SMYD3: variants seen among roughly 807,000 people sequenced by gnomAD.
The protein encoded by SMYD3 is SET and MYND domain containing 3.
In SMYD3, 36 loss-of-function variants were observed where a neutral mutation model predicts 57.7. The observed-to-expected ratio is 0.62, with a 90% confidence interval of 0.48 to 0.82. SMYD3 has a LOEUF of 0.82. Ranked by LOEUF, SMYD3 falls within the 40% of genes least tolerant of loss-of-function variation. The probability of loss-of-function intolerance (pLI) is 0.00; values close to 1 mark genes in which losing one functional copy is unlikely to be tolerated. For missense variants in SMYD3, 515 were observed against 538.8 expected (o/e 0.96, Z 0.44); for synonymous variants, 211 against 195.0 (o/e 1.08, Z -0.68).
chr1:246,206,342 G>GT (rs2062999727), intron 5 of SMYD3, among the ~76,000 whole-genome samples: 1 of 152,142 alleles, frequency 6.6e-6, no homozygotes, highest in Non-Finnish European at 1.5e-5. Flanking sequence ...TGAAAAGAAT[G>GT]TAAGAGGAGT....
chr1:246,164,331 A>T (rs2148211625), intron 5 of SMYD3, among the ~76,000 whole-genome samples: 1 of 152,282 alleles, frequency 6.6e-6, no homozygotes, highest in East Asian at 1.9e-4. Context: ...GAGGCAGGAG[A>T]ATCACTTGAA....
intron 10 of SMYD3, among the ~76,000 whole-genome samples, chr1:245,786,045 G>T (rs2047024362): frequency 6.8e-6 from 1 of 146,286 alleles, no homozygotes; most frequent in Admixed American, 6.9e-5. Context: ...CTATACCACG[G>T]TTACATTTAT....
intron 7 of SMYD3, among the ~76,000 whole-genome samples, chr1:245,923,828 T>C (rs1031009501): frequency 2.4e-4 from 36 of 152,362 alleles, no homozygotes; most frequent in African/African-American, 8.4e-4. Context: ...CCTTGAACTC[T>C]TGAAGTCAGG....
At chr1:245,971,452 A>C (rs1024704741) in intron 5 of SMYD3, among the ~76,000 whole-genome samples, 4 of 152,230 alleles carry the variant, frequency 2.6e-5, no homozygotes, top group Non-Finnish European at 4.4e-5. Context: ...TAATTAAAAA[A>C]AAAAATCAAT....
chr1:246,344,287 T>G (rs2065677171), intron 2 of SMYD3, among the ~76,000 whole-genome samples: 1 of 152,194 alleles, frequency 6.6e-6, no homozygotes, highest in Non-Finnish European at 1.5e-5. Flanking sequence ...ATTCAAGTCC[T>G]CCATCCCAGG....
chr1:245,764,136 C>T lies in SMYD3; in HGVS notation c.1090G>A (p.Gly364Arg), dbSNP rs1278236222. The T allele has an allele frequency of 6.2e-7, 1 of 1,613,536 alleles. No homozygotes were observed. Among genetic ancestry groups the T allele is most frequent in the Non-Finnish European group, 8.5e-7 (1 of 1,179,780 alleles). The change falls in exon 11 of 12, where the codon GGA (glycine) becomes AGA (arginine). Residue 364 changes from glycine to arginine, a missense_variant. Gly to Arg is a moderately radical substitution (Grantham distance 125, BLOSUM62 -2). Transcript: ENST00000490107. The stretch of plus-strand genomic sequence containing the variant: ...TGAACCCCTCTGACGGGATGGCTTC[C>T]TGGGAAAAAAATCCTGGAAGAAACC... ...TMEPYRIFFP[G>R]SHPVRGVQVM... is the part of the protein sequence containing the mutation.
At chr1:246,436,517 T>C (rs181230286) in intron 1 of SMYD3, among the ~76,000 whole-genome samples, 3 of 152,292 alleles carry the variant, frequency 2.0e-5, no homozygotes, top group Admixed American at 1.3e-4. Flanking sequence ...CAGTAATACA[T>C]AGAAAGTATC....
At chr1:246,363,414 G>A (rs2066040866) in intron 1 of SMYD3, among the ~76,000 whole-genome samples, 1 of 152,234 alleles carries the variant, frequency 6.6e-6, no homozygotes, top group African/African-American at 2.4e-5. Context: ...CCCCGTCTGG[G>A]AGGTGTACCC....
chr1:245,902,215 C>T (rs1025997892), intron 8 of SMYD3, among the ~76,000 whole-genome samples: 10 of 152,168 alleles, frequency 6.6e-5, no homozygotes, highest in African/African-American at 2.4e-4. Context: ...GTGTCCTATA[C>T]CCTGGGGACC....
At chr1:246,409,436 C>G (rs1395511938) in intron 1 of SMYD3, among the ~76,000 whole-genome samples, 6 of 152,176 alleles carry the variant, frequency 3.9e-5, no homozygotes, top group Non-Finnish European at 7.3e-5. Flanking sequence ...ATAGGGAATC[C>G]TTTCCCCATT....
intron 1 of SMYD3, among the ~76,000 whole-genome samples, chr1:246,488,037 G>C (rs1005286685): frequency 6.6e-6 from 1 of 152,236 alleles, no homozygotes; most frequent in Non-Finnish European, 1.5e-5. Context: ...CATGAATCAT[G>C]TGACCTCGTA....
At chr1:245,886,786 G>A (rs1291797718) in intron 8 of SMYD3, among the ~76,000 whole-genome samples, 4 of 152,032 alleles carry the variant, frequency 2.6e-5, no homozygotes, top group Non-Finnish European at 5.9e-5. Flanking sequence ...ACACACTCAC[G>A]TTTTTCTGGC....
At chr1:245,966,538 A>T (rs1028890617) in intron 5 of SMYD3, among the ~76,000 whole-genome samples, 5 of 152,244 alleles carry the variant, frequency 3.3e-5, no homozygotes, top group Admixed American at 3.3e-4. Flanking sequence ...AAAGGCAAAA[A>T]GAAAAATAAA....
intron 5 of SMYD3, among the ~76,000 whole-genome samples, chr1:246,083,156 A>G (rs1354590453): frequency 2.0e-5 from 3 of 151,894 alleles, no homozygotes; most frequent in Non-Finnish European, 4.4e-5. Flanking sequence ...GCCTCTTTGC[A>G]GTTGAGATAA....
intron 10 of SMYD3, among the ~76,000 whole-genome samples, chr1:245,793,556 C>A (rs2148198249): frequency 6.6e-6 from 1 of 152,140 alleles, no homozygotes; most frequent in African/African-American, 2.4e-5. Flanking sequence ...TTTTACCCAT[C>A]AGTAGCACAC....
chr1:245,756,858 G>A (rs2045626907), intron 11 of SMYD3, among the ~76,000 whole-genome samples: 3 of 149,120 alleles, frequency 2.0e-5, no homozygotes, highest in Non-Finnish European at 4.4e-5. Context: ...GTCTTGGTGT[G>A]AACTGCTTTC....
chr1:246,205,426 C>A (rs1385544716), intron 5 of SMYD3, among the ~76,000 whole-genome samples: 1 of 152,194 alleles, frequency 6.6e-6, no homozygotes, highest in Admixed American at 6.5e-5. Context: ...AGCCACAACT[C>A]GCCACAGGAA....
intron 9 of SMYD3, 30 bp downstream of exon 9, chr1:245,863,769 G>A: frequency 1.9e-6 from 3 of 1,597,014 alleles, no homozygotes; most frequent in Middle Eastern, 1.7e-4. Flanking sequence ...AATCCCAACA[G>A]TCCACCTCAA....
intron 2 of SMYD3, among the ~76,000 whole-genome samples, chr1:246,344,011 C>T (rs148648010): frequency 2.3e-3 from 351 of 152,184 alleles, no homozygotes; most frequent in African/African-American, 6.8e-3. Context: ...ACCACAGTTA[C>T]GTATAATAAA....
Sources: allele counts gnomAD v4.1 joint callset (sites outside exome capture counted in the v4.1 genomes callset), GRCh38; gene constraint gnomAD v4.1.1; transcripts MANE v1.5; gene names NCBI Gene and HGNC (gene_info 2026-07-23, HGNC 2026-07-21).